SNX24: variants seen among roughly 807,000 people sequenced by gnomAD.
SNX24 encodes sorting nexin 24, also known as sorting nexin-24.
In SNX24, 22 loss-of-function variants were observed where a neutral mutation model predicts 28.7. The ratio of observed to expected loss-of-function variants is 0.77; its 90% confidence interval spans 0.55 to 1.10. The LOEUF is 1.10. SNX24 is among the 50% of genes least tolerant of loss of function. The pLI is 0.00. For synonymous variants in SNX24, 69 were observed against 71.5 expected, an observed-to-expected ratio of 0.96 and a Z score of 0.18; for missense variants, 221 against 201.1, an observed-to-expected ratio of 1.10 and a Z score of -0.60.
chr5:122,960,927 AAGTT>A (rs1384323693), intron 3 of SNX24, among the ~76,000 whole-genome samples: 2 of 152,214 alleles, frequency 1.3e-5, no homozygotes, highest in African/African-American at 4.8e-5. Flanking sequence ...TATTGTTTTT[AAGTT>A]AGTTTTACTT....
chr5:122,879,243 A>C (rs746341592), intron 1 of SNX24, among the ~76,000 whole-genome samples: 45 of 152,214 alleles, frequency 3.0e-4, no homozygotes, highest in Non-Finnish European at 5.3e-4. Context: ...GCTTGACAGC[A>C]GCATGTGGCG....
At chr5:122,922,159 A>G (rs1758460614) in intron 1 of SNX24, among the ~76,000 whole-genome samples, 1 of 152,232 alleles carries the variant, frequency 6.6e-6, no homozygotes, top group Non-Finnish European at 1.5e-5. Flanking sequence ...GGTTTAATAC[A>G]GAAATATAGT....
rs531025653 is a variant in SNX24 at position 122,965,539 on chromosome 5, C to G, written c.249+19380C>G. ...GTGTAAAGGTAGGTGCAAAATGATGCCTTTTATAAGAGAAATTGCCACTTA... is the reference window on the plus strand; with the variant it reads ...GTGTAAAGGTAGGTGCAAAATGATGGCTTTTATAAGAGAAATTGCCACTTA... On this transcript the variant is annotated intron_variant, in intron 3 of 6. Transcript: ENST00000261369. The G allele has an allele frequency of 2.1e-5, 9 of 434,734 alleles. No individual in the cohort carries two copies. In the East Asian group the frequency reaches 5.7e-4, roughly 27 times the overall value. 26.9% of individuals were successfully genotyped at this position (434,734 alleles called of 1,614,324 possible).
intron 1 of SNX24, among the ~76,000 whole-genome samples, chr5:122,929,237 C>A (rs17149745): frequency 0.14 from 20,603 of 152,098 alleles, 1,683 homozygotes; most frequent in East Asian, 0.36. Flanking sequence ...CCTGCTGCTT[C>A]AGGGCTTTTG....
Position 122,963,274 on chromosome 5 carries a change from A to G in SNX24, c.249+17115A>G, listed in dbSNP as rs573139006. ...AATTAATTCTCCTCTAGAGCTGGCC[A>G]TGCTGTTTGGCGGCTCACAGCTGCA... On this transcript the variant is annotated intron_variant, in intron 3 of 6. Transcript: ENST00000261369. Among the ~76,000 whole-genome samples, 15 of 152,308 alleles carry G rather than the reference A, an allele frequency of 9.8e-5. 1 individual carries two copies. The East Asian group carries it at 2.7e-3, about 27-fold the overall frequency.
chr5:122,850,249 G>A (rs149178368), intron 1 of SNX24, among the ~76,000 whole-genome samples: 8 of 152,314 alleles, frequency 5.3e-5, no homozygotes, highest in South Asian at 2.1e-4. Flanking sequence ...AGTGTCTAGC[G>A]AGGGTCCATT....
rs1344323532 is a variant in SNX24, at chr5:122,986,659, A to G, written c.250-13253A>G. On this transcript the variant is annotated intron_variant, in intron 3 of 6. Transcript: ENST00000261369. ...TGAAAGAGTGAATGAACTGGAGATAAGAAAGGGAAACAGCATCGGTTGAAC... is the reference window on the plus strand; with the variant it reads ...TGAAAGAGTGAATGAACTGGAGATAGGAAAGGGAAACAGCATCGGTTGAAC... 4.6e-5 allele frequency among the ~76,000 whole-genome samples: 7 copies of G among 152,204 alleles called. No homozygotes were observed. In the East Asian group the frequency reaches 7.7e-4, roughly 17 times the overall value.
At chr5:122,870,864 T>A (rs1172303554) in intron 1 of SNX24, among the ~76,000 whole-genome samples, 1 of 152,110 alleles carries the variant, frequency 6.6e-6, no homozygotes, top group Non-Finnish European at 1.5e-5. Context: ...GATGGCACAT[T>A]GGAACACCAG....
intron 1 of SNX24, among the ~76,000 whole-genome samples, chr5:122,857,045 C>T (rs1755226506): frequency 6.6e-6 from 1 of 151,176 alleles, no homozygotes; most frequent in African/African-American, 2.4e-5. Context: ...GAGTTTCGCT[C>T]TTATTGCCCA....
At chr5:122,891,158 T>G (rs1235736717) in intron 1 of SNX24, 9 of 1,426,108 alleles carry the variant, frequency 6.3e-6, no homozygotes, top group Non-Finnish European at 7.4e-6. Flanking sequence ...TTACCTAGTG[T>G]TTTTTTGTTT....
intron 1 of SNX24, among the ~76,000 whole-genome samples, chr5:122,857,004 T>A (rs200279706): frequency 6.6e-6 from 1 of 151,970 alleles, no homozygotes; most frequent in Non-Finnish European, 1.5e-5. Context: ...TTGTTTTGAT[T>A]TGCATTTTTC....
intron 3 of SNX24, among the ~76,000 whole-genome samples, chr5:122,995,250 C>T (rs985270210): frequency 3.3e-5 from 5 of 152,196 alleles, no homozygotes; most frequent in African/African-American, 1.2e-4. Context: ...TCTTCTTCTT[C>T]CAGCAGCTTT....
intron 2 of SNX24, among the ~76,000 whole-genome samples, chr5:122,939,961 A>T (rs747552291): frequency 4.6e-5 from 7 of 151,840 alleles, no homozygotes; most frequent in Non-Finnish European, 1.0e-4. Flanking sequence ...CCAAATTCTT[A>T]TAATACACAC....
rs1433188380 is a variant in SNX24 at position 123,029,170 on chromosome 5, T to C, written n.384-68T>C. 2.0e-6 allele frequency: 3 copies of C among 1,507,262 alleles called. No individual in the cohort carries two copies. In the Admixed American group the frequency reaches 6.0e-5, roughly 30 times the overall value. The allele number at this position is 1,507,262 out of a possible 1,614,324, so 93.4% of individuals were successfully genotyped here. ...ACTGAGTGCCCAAATAATACATATT[T>C]AATTGGAAAATAAAGTCAAATGTGG... On this transcript the variant is annotated intron_variant and non_coding_transcript_variant, in intron 5 of 5. Transcript: ENST00000502387.
intron 5 of SNX24, among the ~76,000 whole-genome samples, chr5:123,018,771 C>T (rs1400718252): frequency 1.3e-5 from 2 of 151,950 alleles, no homozygotes; most frequent in African/African-American, 4.8e-5. Context: ...ACTGCAACCT[C>T]CGCCTCCCGG....
chr5:122,971,828 T>G (rs770375116), intron 3 of SNX24, among the ~76,000 whole-genome samples: 5 of 152,234 alleles, frequency 3.3e-5, no homozygotes, highest in Non-Finnish European at 7.3e-5. Context: ...TTCTACTGTC[T>G]ATTCTGTATT....
rs564630854 is a variant in SNX24 at position 122,933,868 on chromosome 5, C to T, written c.61-2866C>T. Among the ~76,000 whole-genome samples the T allele has an allele frequency of 3.2e-4, 49 of 151,914 alleles. 1 individual carries two copies. The highest frequency in any genetic ancestry group is 9.7e-4 in the African/African-American group (40 of 41,418). On this transcript the variant is annotated intron_variant, in intron 1 of 6. Coordinates refer to ENST00000261369, the MANE Select transcript of SNX24 (RefSeq NM_014035.4). ...CACGATCTCTGCTCACCACACCCTC[C>T]GCCTCCTGGGTTCAAGCGATTCTCC... is the stretch of plus-strand genomic sequence containing the variant.
intron 3 of SNX24, among the ~76,000 whole-genome samples, chr5:122,999,660 T>C (rs888020343): frequency 3.9e-5 from 6 of 152,154 alleles, no homozygotes; most frequent in Non-Finnish European, 8.8e-5. Flanking sequence ...CAGCATCTAG[T>C]GTATAGTAGG....
intron 3 of SNX24, among the ~76,000 whole-genome samples, chr5:122,989,484 T>A (rs1761739315): frequency 6.8e-6 from 1 of 148,132 alleles, no homozygotes; most frequent in Non-Finnish European, 1.5e-5. Flanking sequence ...CTTCTGACAT[T>A]TTGTTGGCTA....
Sources: gnomAD v4.1 joint callset for allele counts (sites outside exome capture counted in the v4.1 genomes callset) on GRCh38, gnomAD v4.1.1 for gene constraint, MANE v1.5 for transcripts, NCBI Gene and HGNC (gene_info 2026-07-23, HGNC 2026-07-21) for gene names.